PACRG: variants seen among roughly 807,000 people sequenced by gnomAD.
PACRG encodes the protein parkin coregulated gene protein.
In PACRG, 29 loss-of-function variants were observed where a neutral mutation model predicts 29.7. That is an observed-to-expected ratio of 0.98 (90% CI 0.73 to 1.33). The LOEUF (loss-of-function observed/expected upper bound fraction) is 1.33. Ranked by LOEUF, PACRG falls within the 40% of genes most tolerant of loss-of-function variation. The pLI is 0.00. For synonymous variants in PACRG, 116 were observed against 118.7 expected (o/e 0.98, Z 0.15); for missense variants, 279 against 316.2 (o/e 0.88, Z 0.89).
chr6:163,109,825 A>C (rs1229621649), intron 4 of PACRG, among the ~76,000 whole-genome samples: 1 of 152,210 alleles, frequency 6.6e-6, no homozygotes, highest in Non-Finnish European at 1.5e-5. Flanking sequence ...CTGTGGTACT[A>C]TAGAGCCTCC....
At position 163,177,801 on chromosome 6, in the gene PACRG, G is replaced by A. The variant is rs147926523; in HGVS notation, c.613+88393G>A. Reference sequence around the variant, plus strand: ...AGTCTGAGAAACGTGCCCTAGGCCTGTGCAGGTTCCATTCCAAGCACGTCC... The same window carrying A: ...AGTCTGAGAAACGTGCCCTAGGCCTATGCAGGTTCCATTCCAAGCACGTCC... On this transcript the variant is annotated intron_variant, in intron 4 of 4. Coordinates refer to ENST00000366888, the MANE Select transcript of PACRG (RefSeq NM_001080379.2). Among the ~76,000 whole-genome samples the A allele has an allele frequency of 3.8e-3, 513 of 134,900 alleles. 2 individuals are homozygous for A. The highest frequency in any genetic ancestry group is 0.014 in the African/African-American group (488 of 35,846). 88.5% of individuals were successfully genotyped at this position (134,900 alleles called of 152,430 possible). A position where few individuals can be genotyped will look rare whatever the true frequency, so the allele number is the denominator to read the frequency against.
At chr6:162,905,870 T>A (rs1436483407) in intron 2 of PACRG, among the ~76,000 whole-genome samples, 1 of 152,122 alleles carries the variant, frequency 6.6e-6, no homozygotes, top group Admixed American at 6.5e-5. Context: ...TTATTCCTCA[T>A]GCAGAGACAG....
chr6:162,920,380 C>A (rs1291111140), intron 2 of PACRG, among the ~76,000 whole-genome samples: 1 of 152,132 alleles, frequency 6.6e-6, no homozygotes, highest in African/African-American at 2.4e-5. Context: ...GGGCTGATAG[C>A]AGCAGCTGGA....
At chr6:163,059,577 T>C (rs889236541) in intron 2 of PACRG, among the ~76,000 whole-genome samples, 13 of 152,208 alleles carry the variant, frequency 8.5e-5, no homozygotes, top group Admixed American at 5.2e-4. Flanking sequence ...ATAATAATGC[T>C]GAACCTCAGT....
At chr6:162,839,654 A>G (rs1789573993) in intron 2 of PACRG, among the ~76,000 whole-genome samples, 1 of 151,884 alleles carries the variant, frequency 6.6e-6, no homozygotes, top group Non-Finnish European at 1.5e-5. Flanking sequence ...TGTTTTAGAC[A>G]TGAAGTCCTT....
intron 4 of PACRG, among the ~76,000 whole-genome samples, chr6:163,304,937 A>G (rs1020581176): frequency 2.6e-5 from 4 of 152,366 alleles, no homozygotes; most frequent in South Asian, 4.1e-4. Context: ...TGCAGGGTAA[A>G]TCAGGAAGAG....
In PACRG at chr6:163,101,021, A is replaced by G. The variant is rs997617168; in HGVS notation, c.613+11613A>G. On this transcript the variant is annotated intron_variant, in intron 4 of 4. Coordinates refer to ENST00000366888, the MANE Select transcript of PACRG (RefSeq NM_001080379.2). ...ATTTACTTTTTTTGCTCTTAAGTAC[A>G]GTACTTTAATATGAGCTTTAGTGAG... The G allele has an allele frequency of 3.3e-5, 32 of 983,264 alleles. No individual in the cohort carries two copies. The East Asian group carries it at 1.1e-3, about 35-fold the overall frequency. 60.9% of individuals were successfully genotyped at this position (983,264 alleles called of 1,614,324 possible). A position where few individuals can be genotyped will look rare whatever the true frequency, so the allele number is the denominator to read the frequency against.
intron 1 of PACRG, among the ~76,000 whole-genome samples, chr6:162,738,671 G>A (rs1264923769): frequency 6.6e-6 from 1 of 152,064 alleles, no homozygotes; most frequent in Non-Finnish European, 1.5e-5. Flanking sequence ...CATTTTTAAA[G>A]GTAAGGAATG....
At chr6:162,742,371 G>A (rs763887446) in intron 1 of PACRG, among the ~76,000 whole-genome samples, 13 of 152,078 alleles carry the variant, frequency 8.5e-5, no homozygotes, top group South Asian at 2.1e-4. Flanking sequence ...CATACCTTTC[G>A]CCTTCCACCA....
intron 2 of PACRG, among the ~76,000 whole-genome samples, chr6:162,926,974 TCCA>T (rs935934265): frequency 3.3e-5 from 5 of 151,590 alleles, no homozygotes; most frequent in Non-Finnish European, 7.4e-5. Flanking sequence ...AACAAACAAC[TCCA>T]TCAAAAAGTA....
At chr6:162,744,221 CTT>C (rs954528038) in intron 1 of PACRG, among the ~76,000 whole-genome samples, 5 of 152,008 alleles carry the variant, frequency 3.3e-5, no homozygotes, top group Non-Finnish European at 7.4e-5. Context: ...GAAAAAAAGA[CTT>C]TTTTTGTCTG....
intron 2 of PACRG, among the ~76,000 whole-genome samples, chr6:162,933,380 C>T (rs990844000): frequency 6.6e-6 from 1 of 152,056 alleles, no homozygotes; most frequent in South Asian, 2.1e-4. Flanking sequence ...AGTTTAAGTC[C>T]AGTGTTTCTT....
chr6:163,200,620 T>C (rs1361073384), intron 4 of PACRG, among the ~76,000 whole-genome samples: 1 of 152,150 alleles, frequency 6.6e-6, no homozygotes, highest in Non-Finnish European at 1.5e-5. Flanking sequence ...ACCGAGAGTC[T>C]TTTCTCCAAG....
Position 163,265,449 on chromosome 6 carries a change from A to G in PACRG, c.614-49378A>G, listed in dbSNP as rs77684648. Among the ~76,000 whole-genome samples, 161 of 152,302 alleles carry G rather than the reference A, an allele frequency of 1.1e-3. 1 individual carries two copies. The highest frequency in any genetic ancestry group is 3.7e-3 in the African/African-American group (154 of 41,560). ...GTGGGTATTTGTTTTAATGGAAGAA[A>G]TGTGGGTAAATACAGTCTTCAAGCA... is the stretch of plus-strand genomic sequence containing the variant. On this transcript the variant is annotated intron_variant, in intron 4 of 4. Transcript: ENST00000366888.
intron 2 of PACRG, among the ~76,000 whole-genome samples, chr6:162,994,163 C>T (rs1376745307): frequency 1.6e-5 from 2 of 127,606 alleles, no homozygotes. Flanking sequence ...TTCTCTCTGG[C>T]TGCCCTTAAC....
chr6:162,793,651 A>G (rs1471885132), intron 1 of PACRG, among the ~76,000 whole-genome samples: 1 of 152,238 alleles, frequency 6.6e-6, no homozygotes. Flanking sequence ...ACAAATATTA[A>G]TTGAACCATC....
At chr6:162,874,989 G>A (rs1217513294) in intron 2 of PACRG, among the ~76,000 whole-genome samples, 7 of 150,872 alleles carry the variant, frequency 4.6e-5, no homozygotes, top group Non-Finnish European at 1.0e-4. Flanking sequence ...ACATTCATAC[G>A]CCCACATACA....
At chr6:162,727,573 G>C, upstream of PACRG, 2 of 1,364,652 alleles carry the variant, frequency 1.5e-6, no homozygotes, top group Non-Finnish European at 2.0e-6. Context: ...AGTTGGCACC[G>C]GGGGTCCTGG....
At chr6:163,223,183 C>T (rs1313549219) in intron 4 of PACRG, among the ~76,000 whole-genome samples, 1 of 152,110 alleles carries the variant, frequency 6.6e-6, no homozygotes, top group African/African-American at 2.4e-5. Context: ...CACCTGAGGT[C>T]AGGAGTTCAA....
Sources: allele counts gnomAD v4.1 joint callset (sites outside exome capture counted in the v4.1 genomes callset), GRCh38; gene constraint gnomAD v4.1.1; transcripts MANE v1.5; gene names NCBI Gene and HGNC (gene_info 2026-07-23, HGNC 2026-07-21).